The following MAP4 variants were observed in gnomAD, a reference collection of about 807,000 sequenced individuals.
MAP4 encodes the protein microtubule associated protein 4.
A neutral mutation model predicts 170.2 loss-of-function variants in MAP4; 76 were observed. The observed-to-expected ratio is 0.45, with a 90% CI of 0.37 to 0.54. The LOEUF (loss-of-function observed/expected upper bound fraction) is 0.54. Among genes scored for constraint, MAP4 ranks in the 20% least tolerant of loss-of-function variants. MAP4 has a pLI of 0.00. For synonymous variants in MAP4, 909 were observed against 994.5 expected (o/e 0.91, Z 1.62); for missense variants, 2,506 against 2,748.0 (o/e 0.91, Z 1.97).
chr3:48,035,550 C>T (rs1559830922), intron 1 of MAP4, among the ~76,000 whole-genome samples: 1 of 152,074 alleles, frequency 6.6e-6, no homozygotes, highest in African/African-American at 2.4e-5. Context: ...GGGAGGATTG[C>T]TGGAACCCAG....
intron 8 of MAP4, among the ~76,000 whole-genome samples, chr3:47,913,466 A>G (rs1171590440): frequency 6.6e-6 from 1 of 152,238 alleles, no homozygotes; most frequent in South Asian, 2.1e-4. Flanking sequence ...TTCAGCAATT[A>G]ATCAGCAGCT....
In MAP4 at chr3:48,032,779, TAATA is replaced by T. The variant is rs58598777; in HGVS notation, c.-19-33904_-19-33901del. On this transcript the variant is annotated intron_variant, in intron 1 of 18. Coordinates refer to the MAP4 transcript ENST00000360240. ...TAATCTACAATTCCCCTGAGAAACT[TAATA>T]AATATAGACAAAAGTGTGTATATCA... is the stretch of plus-strand genomic sequence containing the variant. Among the ~76,000 whole-genome samples, 817 of 152,308 alleles carry T rather than the reference TAATA, an allele frequency of 5.4e-3. 7 individuals carry two copies. Among genetic ancestry groups the T allele is most frequent in the African/African-American group, 0.015 (615 of 41,580 alleles).
chr3:47,960,876 T>G (rs2100071148), intron 3 of MAP4: 1 of 165,332 alleles, frequency 6.0e-6, no homozygotes, highest in South Asian at 2.0e-4. Flanking sequence ...AAAGTTCAAT[T>G]TGACGTACAA....
At chr3:47,930,928 A>G (rs1291579083) in intron 3 of MAP4, among the ~76,000 whole-genome samples, 1 of 139,400 alleles carries the variant, frequency 7.2e-6, no homozygotes. Flanking sequence ...GACTCTGTCT[A>G]AAAAAAAAAA....
chr3:47,938,353 C>T (rs1201643049), intron 3 of MAP4, among the ~76,000 whole-genome samples: 2 of 151,906 alleles, frequency 1.3e-5, no homozygotes, highest in African/African-American at 2.4e-5. Flanking sequence ...GGCGACAGAG[C>T]GAGATTCTGT....
In MAP4 at chr3:47,910,279, A is replaced by G; in HGVS notation, c.4142T>C (p.Leu1381Pro). 1 of 1,601,280 alleles carries G rather than the reference A, an allele frequency of 6.2e-7. No homozygotes were observed. The highest frequency in any genetic ancestry group is 8.5e-7 in the Non-Finnish European group (1 of 1,178,326). ...VKNSSPEKHI[L>P]ENKIDATKIH... ...TTTTGTTGCATCTATCTTATTCTCC[A>G]GAATGTGCTTCTCAGGAGAACTATT... Residue 1381 changes from leucine to proline, a missense_variant, in exon 9 of 21, where the codon CTG (leucine) becomes CCG (proline). By Grantham distance (98) the Leu-to-Pro change is moderately conservative. Transcript: ENST00000683076.
intron 17 of MAP4, among the ~76,000 whole-genome samples, chr3:47,865,155 A>T (rs907980287): frequency 6.6e-6 from 1 of 152,176 alleles, no homozygotes; most frequent in African/African-American, 2.4e-5. Flanking sequence ...TACACATGTG[A>T]GGTCATGTGT....
chr3:48,072,297 C>G (rs1353773431), intron 1 of MAP4, among the ~76,000 whole-genome samples: 1 of 152,088 alleles, frequency 6.6e-6, no homozygotes, highest in Non-Finnish European at 1.5e-5. Context: ...CACTTGAGGT[C>G]AGGCATTCAC....
intron 1 of MAP4, among the ~76,000 whole-genome samples, chr3:48,079,679 G>A (rs1427720078): frequency 6.7e-6 from 1 of 149,072 alleles, no homozygotes; most frequent in African/African-American, 2.5e-5. Context: ...AGCCGGGTGC[G>A]GTGGCTCACA....
chr3:47,882,579 A>G (rs1447439991), intron 10 of MAP4, among the ~76,000 whole-genome samples: 3 of 152,136 alleles, frequency 2.0e-5, no homozygotes, highest in Non-Finnish European at 4.4e-5. Flanking sequence ...TACAATATAC[A>G]TACAACAAAC....
intron 1 of MAP4, among the ~76,000 whole-genome samples, chr3:48,043,923 G>A (rs1217253363): frequency 6.6e-6 from 1 of 152,024 alleles, no homozygotes; most frequent in Non-Finnish European, 1.5e-5. Context: ...TTGGCTCACT[G>A]CAATCTCCAC....
At chr3:47,999,385 TAA>T (rs1014647045) in intron 1 of MAP4, among the ~76,000 whole-genome samples, 8 of 143,952 alleles carry the variant, frequency 5.6e-5, no homozygotes, top group African/African-American at 1.8e-4. Context: ...CCTGCCAGCA[TAA>T]AAAAAAAAAG....
At chr3:48,075,351 C>T (rs1456619418) in intron 1 of MAP4, among the ~76,000 whole-genome samples, 1 of 151,890 alleles carries the variant, frequency 6.6e-6, no homozygotes, top group Admixed American at 6.6e-5. Context: ...ATGGTGAAAC[C>T]CCGTCTCTAC....
At chr3:47,964,826 T>A (rs2100073860) in intron 3 of MAP4, among the ~76,000 whole-genome samples, 1 of 152,202 alleles carries the variant, frequency 6.6e-6, no homozygotes, top group African/African-American at 2.4e-5. Context: ...TAATTTGAAA[T>A]TTTTTTCCCT....
At chr3:47,996,206 G>A (rs1559749948) in intron 2 of MAP4, among the ~76,000 whole-genome samples, 2 of 152,162 alleles carry the variant, frequency 1.3e-5, no homozygotes, top group East Asian at 1.9e-4. Flanking sequence ...AAGACCGGCT[G>A]TAGCTAGGGA....
At chr3:48,020,602 A>G (rs2100110072), upstream of MAP4, among the ~76,000 whole-genome samples, 1 of 152,222 alleles carries the variant, frequency 6.6e-6, no homozygotes, top group Non-Finnish European at 1.5e-5. Flanking sequence ...GGGGAATATC[A>G]TTATTAAATG....
Position 47,850,973 on chromosome 3 carries a change from G to GA in MAP4, c.*1960dup, listed in dbSNP as rs2040889529. 6.6e-6 allele frequency: 1 copy of GA among 152,342 alleles called. No individual in the cohort carries two copies. The highest frequency in any genetic ancestry group is 1.5e-5 in the Non-Finnish European group (1 of 68,194). The allele number at this position is 152,342 out of a possible 1,614,324, so 9.4% of individuals were successfully genotyped here. A position where few individuals can be genotyped will look rare whatever the true frequency, so the allele number is the denominator to read the frequency against. On this transcript the variant is annotated 3_prime_UTR_variant, in exon 21 of 21. Coordinates refer to ENST00000683076, the MANE Select transcript of MAP4 (RefSeq NM_001385682.1). ...ACCCCCAACCTTTGGCCAAAGGAGT[G>GA]AAAGGACCTGGAACCTGTCGTCAAC...
At chr3:48,080,032 G>A (rs902042220) in intron 1 of MAP4, among the ~76,000 whole-genome samples, 5 of 152,088 alleles carry the variant, frequency 3.3e-5, no homozygotes, top group South Asian at 2.1e-4. Context: ...CACATTTCAC[G>A]AGAGGTAGCT....
Position 47,909,573 on chromosome 3 carries a change from C to T in MAP4, c.4848G>A (p.Gly1616=). ...PVNEEKETKE[G]SVAVQIPDLL... ...AGTCAGGAATCTGAACTGCAACAGA[C>T]CCTTCTTTAGTCTCTTTCTCTTCAT... is the stretch of plus-strand genomic sequence containing the variant. The change falls in exon 9 of 21, where the codon GGG becomes GGA. Residue 1616 remains glycine (G), a synonymous_variant. Transcript: ENST00000683076. The T allele has an allele frequency of 1.2e-6, 2 of 1,612,674 alleles. No homozygotes were observed. Among genetic ancestry groups the T allele is most frequent in the Non-Finnish European group, 8.5e-7 (1 of 1,179,884 alleles).
Sources: allele counts gnomAD v4.1 joint callset (sites outside exome capture counted in the v4.1 genomes callset), GRCh38; gene constraint gnomAD v4.1.1; transcripts MANE v1.5; gene names NCBI Gene and HGNC (gene_info 2026-07-23, HGNC 2026-07-21).